MPC1: variants seen among roughly 807,000 people sequenced by gnomAD.
MPC1 encodes the protein mitochondrial pyruvate carrier 1.
A neutral mutation model predicts 13.9 loss-of-function variants in MPC1; 6 were observed. The ratio of observed to expected loss-of-function variants is 0.43; its 90% CI spans 0.24 to 0.85. MPC1 has a LOEUF of 0.85. Ranked by LOEUF, MPC1 falls within the 40% of genes least tolerant of loss-of-function variation. The probability of loss-of-function intolerance (pLI) is 0.24; values close to 1 mark genes in which losing one functional copy is unlikely to be tolerated. For missense variants in MPC1, 115 were observed against 143.3 expected, an observed-to-expected ratio of 0.80 and a Z score of 1.01; for synonymous variants, 47 against 50.5, an observed-to-expected ratio of 0.93 and a Z score of 0.29.
intron 1 of MPC1, among the ~76,000 whole-genome samples, chr6:166,376,147 T>C (rs1002452430): frequency 1.4e-5 from 2 of 144,810 alleles, no homozygotes; most frequent in Non-Finnish European, 3.0e-5. Flanking sequence ...TAGATACATA[T>C]ACACATACGT....
rs113589011 is a variant in MPC1 at position 166,373,237 on chromosome 6, C to T, written c.72-3016G>A. ...GGGTTTAGATGAACATACGATGCCA[C>T]GCGTCCATCATCATAGTGTCTTACA... On this transcript the variant is annotated intron_variant, in intron 1 of 4. Coordinates refer to ENST00000360961, the MANE Select transcript of MPC1 (RefSeq NM_016098.4). Among the ~76,000 whole-genome samples, 16 of 152,224 alleles carry T rather than the reference C, an allele frequency of 1.1e-4. No homozygotes were observed. The East Asian group carries it at 1.9e-3, about 18-fold the overall frequency.
At chr6:166,381,881 C>T (rs12202703) in intron 1 of MPC1, 1 of 918,058 alleles carries the variant, frequency 1.1e-6, no homozygotes, top group Non-Finnish European at 1.3e-6. Context: ...ATGAGAAAAC[C>T]GAAAGGCGAA....
At chr6:166,368,733 T>G (rs1779265689) in intron 2 of MPC1, 1 of 984,304 alleles carries the variant, frequency 1.0e-6, no homozygotes, top group African/African-American at 1.7e-5. Flanking sequence ...ACCTACTTAC[T>G]TCTTTTCTTA....
At chr6:166,366,768 C>T in intron 3 of MPC1, 27 bp downstream of exon 3, 1 of 1,606,750 alleles carries the variant, frequency 6.2e-7, no homozygotes, top group Non-Finnish European at 8.5e-7. Context: ...TGAAAGTCCT[C>T]CCAATTATCC....
In MPC1 at chr6:166,366,851, G is replaced by A; in HGVS notation, c.116C>T (p.Ala39Val). 4 of 1,614,100 alleles carry A rather than the reference G, an allele frequency of 2.5e-6. No homozygotes were observed. Among genetic ancestry groups the A allele is most frequent in the Non-Finnish European group, 3.4e-6 (4 of 1,179,966 alleles). ...GPVANWGLPI[A>V]AINDMKKSPE... ...AGACTTTTTCATATCATTGATGGCA[G>A]CAATGGGAAGACCCCAGTTGGCTAC... Residue 39 changes from alanine to valine, a missense_variant, in exon 3 of 5, where the codon GCT becomes GTT. Coordinates refer to ENST00000360961, the MANE Select transcript of MPC1 (RefSeq NM_016098.4).
chr6:166,382,731 C>G (rs944497057), intron 1 of MPC1, 75 bp downstream of exon 1: 6 of 1,440,344 alleles, frequency 4.2e-6, no homozygotes, highest in Non-Finnish European at 5.5e-6. Context: ...CGGCCGCCCT[C>G]GTCGCGGACT....
intron 2 of MPC1, 147 bp from the exon 3 acceptor site, chr6:166,367,038 G>A: frequency 6.6e-7 from 1 of 1,511,846 alleles, no homozygotes; most frequent in Non-Finnish European, 8.9e-7. Context: ...TGGGTTAATT[G>A]ATGGTTAACA....
In MPC1 at chr6:166,366,651, G is replaced by A. The variant is rs913782262; in HGVS notation, c.172+144C>T. ...ATTAATCTTGTTTCTTACTGACATA[G>A]AGAAGTAACACTCTTCCATGCCATC... On this transcript the variant is annotated intron_variant, in intron 3 of 4. Transcript: ENST00000360961. 5.5e-6 allele frequency: 4 copies of A among 731,882 alleles called. No individual in the cohort carries two copies. In the African/African-American group the frequency reaches 7.0e-5, roughly 13 times the overall value. The allele number at this position is 731,882 out of a possible 1,614,324, so 45.3% of individuals were successfully genotyped here.
rs768193458 is a variant in MPC1, at chr6:166,365,398, C to T, written c.*31G>A. ...CTCAGCAGCAGCTGGCAATGCTGTC[C>T]CTTCAAGACCTTGTTCTTCCTTTTC... On this transcript the variant is annotated 3_prime_UTR_variant, in exon 5 of 5. Transcript: ENST00000360961. This position sits in a 1 kb window ranked among gnomAD's most constrained non-coding sequence, Gnocchi z 4.2. The T allele has an allele frequency of 6.6e-7, 1 of 1,524,416 alleles. No homozygotes were observed. Among genetic ancestry groups the T allele is most frequent in the Non-Finnish European group, 8.8e-7 (1 of 1,131,952 alleles). 94.4% of individuals were successfully genotyped at this position (1,524,416 alleles called of 1,614,324 possible). A position where few individuals can be genotyped will look rare whatever the true frequency, so the allele number is the denominator to read the frequency against.
At position 166,369,622 on chromosome 6, in the gene MPC1, A is replaced by T. The variant is rs538122584; in HGVS notation, c.75+596T>A. ...AGAAAGTTTATAATGCATCTTTTCTATCTAGTACAATATTCTAGTTCTCTC... is the reference window on the plus strand; with the variant it reads ...AGAAAGTTTATAATGCATCTTTTCTTTCTAGTACAATATTCTAGTTCTCTC... On this transcript the variant is annotated intron_variant, in intron 2 of 4. Transcript: ENST00000360961. Among the ~76,000 whole-genome samples the T allele has an allele frequency of 7.9e-5, 12 of 152,348 alleles. No individual in the cohort carries two copies. In the South Asian group the frequency reaches 2.5e-3, roughly 32 times the overall value.
In MPC1 at chr6:166,380,661, G is replaced by A. The variant is rs1325445868; in HGVS notation, c.71+2145C>T. Among the ~76,000 whole-genome samples, 8 of 152,162 alleles carry A rather than the reference G, an allele frequency of 5.3e-5. No individual in the cohort carries two copies. The South Asian group carries it at 8.3e-4, about 16-fold the overall frequency. ...CCTATGTAATGAAACTGTTAGGGCCGGGCATGGTGGCTCACACCTGCTAAC... is the reference window on the plus strand; with the variant it reads ...CCTATGTAATGAAACTGTTAGGGCCAGGCATGGTGGCTCACACCTGCTAAC... On this transcript the variant is annotated intron_variant, in intron 1 of 4. Transcript: ENST00000360961.
At position 166,365,943 on chromosome 6, in the gene MPC1, A is replaced by C; in HGVS notation, c.305+31T>G. On this transcript the variant is annotated intron_variant, in intron 4 of 4. Coordinates refer to ENST00000360961, the MANE Select transcript of MPC1 (RefSeq NM_016098.4). This position sits in a 1 kb window ranked among gnomAD's most constrained non-coding sequence, Gnocchi z 4.2. ...TCTCCCCAATTCCTCAAATTCCTGA[A>C]AAGAAAGTAACTAAATTGAAATCTG... 6.2e-7 allele frequency: 1 copy of C among 1,603,190 alleles called. No individual in the cohort carries two copies. The highest frequency in any genetic ancestry group is 8.5e-7 in the Non-Finnish European group (1 of 1,172,996).
At position 166,365,485 on chromosome 6, in the gene MPC1, GAAAC is replaced by G. The variant is rs747267155; in HGVS notation, c.306-36_306-33del. ...AGAAACAAAAAGAAAAATTCAATGA[GAAAC>G]AAAATTTCAATGCCAATCGCAAGGG... On this transcript the variant is annotated intron_variant, in intron 4 of 4. Coordinates refer to ENST00000360961, the MANE Select transcript of MPC1 (RefSeq NM_016098.4). The surrounding 1 kb of genome is among the most constrained non-coding windows in gnomAD (Gnocchi z 4.2). 1 of 1,554,362 alleles carries G rather than the reference GAAAC, an allele frequency of 6.4e-7. No homozygotes were observed. Among genetic ancestry groups the G allele is most frequent in the Non-Finnish European group, 8.7e-7 (1 of 1,149,152 alleles).
chr6:166,367,600 CTG>C (rs1423031876), intron 2 of MPC1, among the ~76,000 whole-genome samples: 1 of 152,292 alleles, frequency 6.6e-6, no homozygotes, highest in East Asian at 1.9e-4. Flanking sequence ...GTGAAGTCGT[CTG>C]TGTTTGACAG....
chr6:166,373,472 T>A (rs1779458284), intron 1 of MPC1, among the ~76,000 whole-genome samples: 1 of 152,274 alleles, frequency 6.6e-6, no homozygotes, highest in South Asian at 2.1e-4. Context: ...CACTTTTTAG[T>A]GCTGAATAAT....
intron 1 of MPC1, among the ~76,000 whole-genome samples, chr6:166,371,418 T>C (rs1458304814): frequency 6.6e-6 from 1 of 152,218 alleles, no homozygotes; most frequent in Non-Finnish European, 1.5e-5. Flanking sequence ...ACAATTTCTC[T>C]TGCCAGGATA....
intron 2 of MPC1, chr6:166,368,827 G>A (rs1779269262): frequency 1.0e-6 from 1 of 985,060 alleles, no homozygotes; most frequent in Admixed American, 6.2e-5. Context: ...TTTTGACCAG[G>A]CCTTTCTCCA....
At chr6:166,382,746 G>A in intron 1 of MPC1, 60 bp downstream of exon 1, 1 of 1,502,370 alleles carries the variant, frequency 6.7e-7, no homozygotes, top group South Asian at 1.2e-5. Flanking sequence ...CGGACTGCAC[G>A]GGTCGCAGCC....
At chr6:166,370,391 G>T (rs896257627) in intron 1 of MPC1, 170 bp from the exon 2 acceptor site, 6 of 554,424 alleles carry the variant, frequency 1.1e-5, no homozygotes, top group Non-Finnish European at 9.5e-6. Context: ...ATTTTTAAAA[G>T]ATCAAGTAAT....
Sources: allele counts gnomAD v4.1 joint callset (sites outside exome capture counted in the v4.1 genomes callset), GRCh38; gene constraint gnomAD v4.1.1; non-coding constraint Gnocchi (gnomAD v3.1); transcripts MANE v1.5; gene names NCBI Gene and HGNC (gene_info 2026-07-23, HGNC 2026-07-21).